The following LAPTM4A variants were observed in gnomAD, a reference collection of about 807,000 sequenced individuals.
LAPTM4A encodes lysosomal-associated transmembrane protein 4A.
A neutral mutation model predicts 29.9 loss-of-function variants in LAPTM4A; 19 were observed. That is an observed-to-expected ratio of 0.64 (90% CI 0.44 to 0.93). LAPTM4A has a LOEUF of 0.93. Among genes scored for constraint, LAPTM4A ranks in the 40% least tolerant of loss-of-function variants. The probability of loss-of-function intolerance (pLI) is 0.00; values close to 1 mark genes in which losing one functional copy is unlikely to be tolerated. For missense variants in LAPTM4A, 293 were observed against 288.5 expected (o/e 1.02, Z -0.11); for synonymous variants, 105 against 102.1 (o/e 1.03, Z -0.17).
chr2:20,037,462 A>G, intron 3 of LAPTM4A, 24 bp from the exon 4 acceptor site: 1 of 1,605,316 alleles, frequency 6.2e-7, no homozygotes, highest in Non-Finnish European at 8.5e-7. Context: ...AACAACCATA[A>G]CATTGTATCA....
Position 20,035,069 on chromosome 2 carries a change from A to T in LAPTM4A, c.433-7T>A, listed in dbSNP as rs1673652281. ...CTTTGTAGGGAAAATCAGGCTATTA[A>T]AGAAACACACACACATTTACAAGTC... On this transcript the variant is annotated splice_region_variant and splice_polypyrimidine_tract_variant and intron_variant, in intron 4 of 6. Transcript: ENST00000175091. 1.3e-6 allele frequency: 2 copies of T among 1,589,742 alleles called. No individual in the cohort carries two copies. The highest frequency in any genetic ancestry group is 2.2e-5 in the South Asian group (2 of 90,086).
At position 20,040,975 on chromosome 2, in the gene LAPTM4A, CCA is replaced by C. The variant is rs1213606055; in HGVS notation, c.146_147del (p.Val49GlyfsTer16). On this transcript the variant is annotated frameshift_variant, in exon 2 of 7. Coordinates refer to ENST00000175091, the MANE Select transcript of LAPTM4A (RefSeq NM_014713.5). LOFTEE classifies it high-confidence loss of function. The stretch of plus-strand genomic sequence containing the variant: ...GGCATGGAGTTTGGATGAGTCACTT[CCA>C]CAGTCAGCAAAATTGCCATCAATAG... ...VNLLMAILLT[V>X]EVTHPNSMPA... 2 of 1,613,678 alleles carry C rather than the reference CCA, an allele frequency of 1.2e-6. No homozygotes were observed. Among genetic ancestry groups the C allele is most frequent in the Non-Finnish European group, 1.7e-6 (2 of 1,179,602 alleles).
chr2:20,034,593 A>C (rs1673640923), intron 5 of LAPTM4A, among the ~76,000 whole-genome samples, 178 bp from the exon 6 acceptor site: 1 of 152,174 alleles, frequency 6.6e-6, no homozygotes, highest in East Asian at 1.9e-4. Flanking sequence ...AAGTGTCATG[A>C]GTTTCATCGC....
intron 1 of LAPTM4A, among the ~76,000 whole-genome samples, chr2:20,046,225 G>C (rs1572400277): frequency 6.6e-6 from 1 of 152,256 alleles, no homozygotes; most frequent in East Asian, 1.9e-4. Context: ...GGGAGGGATA[G>C]CATTAGGAGA....
intron 1 of LAPTM4A, among the ~76,000 whole-genome samples, chr2:20,045,333 G>C (rs1572399972): frequency 6.6e-6 from 1 of 152,208 alleles, no homozygotes; most frequent in East Asian, 1.9e-4. Flanking sequence ...GGGGACAGTG[G>C]TGTGTGCCTG....
At chr2:20,046,912 C>A (rs998271042) in intron 1 of LAPTM4A, among the ~76,000 whole-genome samples, 6 of 149,846 alleles carry the variant, frequency 4.0e-5, no homozygotes, top group Admixed American at 6.7e-5. Context: ...AGGCGTGAGC[C>A]ACTGCCCTTA....
chr2:20,051,211 C>G (rs1674061056), intron 1 of LAPTM4A, among the ~76,000 whole-genome samples, 199 bp downstream of exon 1: 1 of 152,180 alleles, frequency 6.6e-6, no homozygotes, highest in African/African-American at 2.4e-5. Context: ...CCACCGCCCC[C>G]CGCTCCCCCG....
intron 2 of LAPTM4A, among the ~76,000 whole-genome samples, chr2:20,038,698 A>G (rs983102932): frequency 6.6e-6 from 1 of 151,932 alleles, no homozygotes; most frequent in Non-Finnish European, 1.5e-5. Flanking sequence ...ACTGGGGGGG[A>G]TGGGCACGGC....
chr2:20,037,211 C>T (rs894370327), intron 4 of LAPTM4A, 105 bp downstream of exon 4: 1 of 917,812 alleles, frequency 1.1e-6, no homozygotes, highest in African/African-American at 1.7e-5. Context: ...CTTTCAAAAG[C>T]AAGCGGAGTA....
At chr2:20,041,143 A>G in intron 1 of LAPTM4A, 132 bp from the exon 2 acceptor site, 1 of 713,342 alleles carries the variant, frequency 1.4e-6, no homozygotes, top group Non-Finnish European at 2.3e-6. Flanking sequence ...GTGGGAGACT[A>G]CCTGTGAGAT....
In LAPTM4A at chr2:20,032,769, T is replaced by G. The variant is rs973576072; in HGVS notation, c.*436A>C. 6.3e-6 allele frequency: 1 copy of G among 159,040 alleles called. No individual in the cohort carries two copies. The highest frequency in any genetic ancestry group is 1.8e-4 in the South Asian group (1 of 5,510). The allele number at this position is 159,040 out of a possible 1,614,324, so 9.9% of individuals were successfully genotyped here. ...CACAATGTCAAATATTTTTCTTGCCTCTGCAGATGAAAAGTTCAGATCTTA... is the reference window on the plus strand; with the variant it reads ...CACAATGTCAAATATTTTTCTTGCCGCTGCAGATGAAAAGTTCAGATCTTA... On this transcript the variant is annotated 3_prime_UTR_variant, in exon 7 of 7. Coordinates refer to ENST00000175091, the MANE Select transcript of LAPTM4A (RefSeq NM_014713.5).
chr2:20,040,000 C>T (rs781580272), intron 2 of LAPTM4A, among the ~76,000 whole-genome samples: 21 of 151,856 alleles, frequency 1.4e-4, no homozygotes, highest in African/African-American at 2.9e-4. Flanking sequence ...GAGCCGAGAT[C>T]GCACCACTGC....
chr2:20,037,235 C>A, intron 4 of LAPTM4A, 81 bp downstream of exon 4: 1 of 1,248,412 alleles, frequency 8.0e-7, no homozygotes, highest in Non-Finnish European at 1.1e-6. Context: ...AAAAATAATA[C>A]CTAAGGCTGA....
At chr2:20,040,749 T>C in intron 2 of LAPTM4A, 142 bp downstream of exon 2, 1 of 776,676 alleles carries the variant, frequency 1.3e-6, no homozygotes, top group African/African-American at 1.7e-5. Context: ...CTATCTAGGT[T>C]TGTGTAAGTA....
chr2:20,034,127 C>T (rs1673631603), intron 6 of LAPTM4A, among the ~76,000 whole-genome samples, 190 bp downstream of exon 6: 1 of 152,096 alleles, frequency 6.6e-6, no homozygotes, highest in African/African-American at 2.4e-5. Context: ...ATGAGACAAG[C>T]GACCCAGGTA....
chr2:20,049,717 T>C (rs1392498037), intron 1 of LAPTM4A, among the ~76,000 whole-genome samples: 1 of 151,968 alleles, frequency 6.6e-6, no homozygotes, highest in East Asian at 1.9e-4. Flanking sequence ...GTTCTGTGAG[T>C]GGAGGGAAGG....
chr2:20,037,437 T>A lies in LAPTM4A; in HGVS notation c.311A>T (p.Tyr104Phe). ...GAATGGAATCAGCCAACCCACTTGA[T>A]ACTGGAGAAAAAATAACAACCATAA... Reference protein sequence around the residue: ...SSMLVYGAISYQVGWLIPFFC... With the variant: ...SSMLVYGAISFQVGWLIPFFC... Residue 104 changes from tyrosine to phenylalanine, a missense_variant and splice_region_variant, in exon 4 of 7, where the codon TAT becomes TTT. Transcript: ENST00000175091. 1 of 1,607,490 alleles carries A rather than the reference T, an allele frequency of 6.2e-7. No individual in the cohort carries two copies. Among genetic ancestry groups the A allele is most frequent in the South Asian group, 1.1e-5 (1 of 90,078 alleles).
rs1385303048 is a variant in LAPTM4A, at chr2:20,046,748, TTATATAAATATATATATAATATAA to T, written c.111+4638_111+4661del. On this transcript the variant is annotated intron_variant, in intron 1 of 6. Coordinates refer to ENST00000175091, the MANE Select transcript of LAPTM4A (RefSeq NM_014713.5). ...TTATATATCTATATATAAATATATA[TTATATAAATATATATATAATATAA>T]TATATAAATATATATATAATATAAT... 1.4e-4 allele frequency among the ~76,000 whole-genome samples: 19 copies of T among 132,660 alleles called. No individual in the cohort carries two copies. The East Asian group carries it at 1.8e-3, about 13-fold the overall frequency. 87.0% of individuals were successfully genotyped at this position (132,660 alleles called of 152,430 possible).
chr2:20,050,690 A>G lies in LAPTM4A; in HGVS notation c.111+720T>C, dbSNP rs149416088. On this transcript the variant is annotated intron_variant, in intron 1 of 6. Transcript: ENST00000175091. Reference sequence around the variant, plus strand: ...CAGAATCACACAGATCTTGGAACCCAGGAGATACCGGGGTAGGTGGCCAGG... The same window carrying G: ...CAGAATCACACAGATCTTGGAACCCGGGAGATACCGGGGTAGGTGGCCAGG... 5.1e-4 allele frequency among the ~76,000 whole-genome samples: 78 copies of G among 152,360 alleles called. 1 individual carries two copies. The highest frequency in any genetic ancestry group is 1.7e-3 in the African/African-American group (69 of 41,582).
Sources: allele counts gnomAD v4.1 joint callset (sites outside exome capture counted in the v4.1 genomes callset), GRCh38; gene constraint gnomAD v4.1.1; transcripts MANE v1.5; gene names NCBI Gene and HGNC (gene_info 2026-07-23, HGNC 2026-07-21).